SHOX: variants seen among roughly 807,000 people sequenced by gnomAD.
SHOX encodes the protein SHOX homeobox.
Under a neutral mutation model 29.6 loss-of-function variants are expected in SHOX, and 12 were observed. The ratio of observed to expected loss-of-function variants is 0.41; its 90% CI spans 0.26 to 0.66. The LOEUF is 0.66. Ranked by LOEUF, SHOX falls within the 30% of genes least tolerant of loss-of-function variation. SHOX has a pLI of 0.35. For missense variants in SHOX, 499 were observed against 437.7 expected (o/e 1.14, Z -1.25); for synonymous variants, 214 against 200.6 (o/e 1.07, Z -0.57).
In SHOX at chrX:651,583, T is replaced by G; in HGVS notation, c.*6947T>G. On this transcript the variant is annotated 3_prime_UTR_variant, in exon 5 of 5. Transcript: ENST00000686671. ...ATATAAATAAACTTATAAATATTTGTATTCAAGTGTTAAAAAAAAAAAAAT... is the reference window on the plus strand; with the variant it reads ...ATATAAATAAACTTATAAATATTTGGATTCAAGTGTTAAAAAAAAAAAAAT... 4.7e-6 allele frequency: 1 copy of G among 214,504 alleles called. No homozygotes were observed. Among genetic ancestry groups the G allele is most frequent in the East Asian group, 1.0e-4 (1 of 9,844 alleles). The allele number at this position is 214,504 out of a possible 1,614,324, so 13.3% of individuals were successfully genotyped here.
At position 631,215 on chromosome X, in the gene SHOX, G is replaced by C. The variant is rs778977112; in HGVS notation, c.277+41G>C. Reference sequence around the variant, plus strand: ...CTCCGGCTCCAGGGGGGCCCTCCTGGGGTTCGGCGCCTCCTCGCCACGGAG... The same window carrying C: ...CTCCGGCTCCAGGGGGGCCCTCCTGCGGTTCGGCGCCTCCTCGCCACGGAG... On this transcript the variant is annotated intron_variant, in intron 1 of 4. Transcript: ENST00000686671. 7 of 1,610,086 alleles carry C rather than the reference G, an allele frequency of 4.3e-6. No individual in the cohort carries two copies. The South Asian group carries it at 7.7e-5, about 18-fold the overall frequency.
chrX:653,464 G>C (rs147753744), downstream of SHOX, among the ~76,000 whole-genome samples: 1,032 of 152,208 alleles, frequency 6.8e-3, 8 homozygotes, highest in African/African-American at 0.023. Context: ...CAATCACAAA[G>C]AATGTTTTTC....
chrX:646,952 T>TTA lies in SHOX; in HGVS notation c.*2317_*2318insAT, dbSNP rs1332062080. 6.6e-6 allele frequency: 1 copy of TTA among 152,026 alleles called. No individual in the cohort carries two copies. Among genetic ancestry groups the TTA allele is most frequent in the East Asian group, 1.9e-4 (1 of 5,184 alleles). The allele number at this position is 152,026 out of a possible 1,614,324, so 9.4% of individuals were successfully genotyped here. On this transcript the variant is annotated 3_prime_UTR_variant, in exon 5 of 5. Coordinates refer to ENST00000686671, the MANE Select transcript of SHOX (RefSeq NM_000451.4). The stretch of plus-strand genomic sequence containing the variant: ...TAAGATATGTACAGCCCTAGATTTT[T>TTA]TTTTTTTAACCAAAAAGGCTGAGTA...
At chrX:636,740 C>CAT (rs776069703) in intron 2 of SHOX, among the ~76,000 whole-genome samples, 1 of 75,224 alleles carries the variant, frequency 1.3e-5, no homozygotes, top group Non-Finnish European at 2.6e-5. Context: ...TATATATAAA[C>CAT]ATATATATAC....
intron 2 of SHOX, among the ~76,000 whole-genome samples, chrX:635,481 C>G (rs1254542068): frequency 6.6e-6 from 1 of 152,176 alleles, no homozygotes; most frequent in Non-Finnish European, 1.5e-5. Flanking sequence ...CCTCCCCTCT[C>G]CAGCCCTGTC....
chrX:655,572 C>CTCTG (rs1471100058), downstream of SHOX, among the ~76,000 whole-genome samples: 45 of 72,740 alleles, frequency 6.2e-4, 1 homozygote, highest in African/African-American at 2.5e-3. Context: ...CTCTCTGTCT[C>CTCTG]TCTCTCTCTC....
chrX:631,896 C>G, intron 1 of SHOX: 1 of 455,946 alleles, frequency 2.2e-6, no homozygotes, highest in East Asian at 6.9e-5. Context: ...TTACGGTCAC[C>G]CAGACGCACA....
chrX:628,893 A>C (rs868355874), upstream of SHOX, among the ~76,000 whole-genome samples: 45 of 3,012 alleles, frequency 0.015, no homozygotes, highest in Non-Finnish European at 0.017. Context: ...GTGTTTCTCT[A>C]TCTCCATCTC....
intron 1 of SHOX, chrX:632,123 G>T (rs1220031388): frequency 1.3e-5 from 5 of 389,908 alleles, no homozygotes; most frequent in Non-Finnish European, 2.6e-5. Flanking sequence ...AACCACTCCC[G>T]TGAGCGGAGG....
upstream of SHOX, among the ~76,000 whole-genome samples, chrX:626,889 GTC>G (rs1387921608): frequency 7.2e-6 from 1 of 139,732 alleles, no homozygotes; most frequent in Non-Finnish European, 1.5e-5. Context: ...TCTCCTCTCT[GTC>G]TCTTTTTCTC....
At chrX:636,145 ATATATAAATATATAAACATACATAAATG>A (rs2052743045) in intron 2 of SHOX, among the ~76,000 whole-genome samples, 1 of 148,566 alleles carries the variant, frequency 6.7e-6, no homozygotes, top group South Asian at 2.1e-4. Flanking sequence ...ATATATAAAC[ATATATAAATATATAAACATACATAAATG>A]TATGTAAATA....
intron 1 of SHOX, among the ~76,000 whole-genome samples, chrX:633,507 A>T (rs1018458609): frequency 6.6e-6 from 1 of 151,964 alleles, no homozygotes; most frequent in Non-Finnish European, 1.5e-5. Context: ...CCTGGTGTGG[A>T]TCGTGGAAGG....
rs1398738646 is a variant in SHOX at position 645,388 on chromosome X, G to GTTTTTTTTTTTTTTTTTTT, written c.*753_*754insTTTTTTTTTTTTTTTTTTT. 9.0e-5 allele frequency: 7 copies of GTTTTTTTTTTTTTTTTTTT among 77,748 alleles called. 2 individuals carry two copies. The highest frequency in any genetic ancestry group is 2.9e-4 in the African/African-American group (7 of 24,340). The allele number at this position is 77,748 out of a possible 1,614,324, so 4.8% of individuals were successfully genotyped here. On this transcript the variant is annotated 3_prime_UTR_variant, in exon 5 of 5. Coordinates refer to ENST00000686671, the MANE Select transcript of SHOX (RefSeq NM_000451.4). Reference sequence around the variant, plus strand: ...TTGGGTCTGGTTTTGTTTTGGATTGGTATTTTTTTTTTTTTTTTTTTTTTT... The same window carrying GTTTTTTTTTTTTTTTTTTT: ...TTGGGTCTGGTTTTGTTTTGGATTGGTTTTTTTTTTTTTTTTTTTTATTTTTTTTTTTTTTTTTTTTTTT...
At chrX:634,141 C>A (rs1407033863) in intron 1 of SHOX, among the ~76,000 whole-genome samples, 1 of 152,130 alleles carries the variant, frequency 6.6e-6, no homozygotes, top group Non-Finnish European at 1.5e-5. Context: ...CGCCAGATCG[C>A]GGAGGGACCC....
upstream of SHOX, among the ~76,000 whole-genome samples, chrX:625,807 C>G (rs865987139): frequency 6.8e-6 from 1 of 146,866 alleles, no homozygotes; most frequent in Non-Finnish European, 1.5e-5. Context: ...CTCTCTGTGT[C>G]TCTGTCTCTG....
chrX:652,500 C>T (rs768396421), downstream of SHOX, among the ~76,000 whole-genome samples: 53 of 151,750 alleles, frequency 3.5e-4, no homozygotes, highest in Middle Eastern at 3.4e-3. Context: ...GGGTTCCCAC[C>T]GCGGTTACAG....
Position 625,052 on chromosome X carries a change from T to TTCCTTCCCTCCCTCCC in SHOX, c.-433+457_-433+458insCTCCCTCCCTCCTTCC, listed in dbSNP as rs1368231243. 3.9e-4 allele frequency among the ~76,000 whole-genome samples: 25 copies of TTCCTTCCCTCCCTCCC among 64,184 alleles called. No individual in the cohort carries two copies. The East Asian group carries it at 7.3e-3, about 19-fold the overall frequency. 42.1% of individuals were successfully genotyped at this position (64,184 alleles called of 152,430 possible). On this transcript the variant is annotated intron_variant, in intron 1 of 5. Transcript: ENST00000334060. ...TCCCTCCTTTCCTTTCCTCCCTCTG[T>TTCCTTCCCTCCCTCCC]TCCTTCCTCCCTCCCTCCCTCCTTC... is the stretch of plus-strand genomic sequence containing the variant.
rs1484283973 is a variant in SHOX at position 650,234 on chromosome X, T to C, written c.*5598T>C. ...CCGCGTCCAACACCCGTTTTTCCACTTACAAAGCTGGTGGTGCGACGGGCT... is the reference window on the plus strand; with the variant it reads ...CCGCGTCCAACACCCGTTTTTCCACCTACAAAGCTGGTGGTGCGACGGGCT... On this transcript the variant is annotated 3_prime_UTR_variant, in exon 5 of 5. Transcript: ENST00000686671. Among the ~76,000 whole-genome samples the C allele has an allele frequency of 6.6e-6, 1 of 152,198 alleles. No individual in the cohort carries two copies. The highest frequency in any genetic ancestry group is 1.9e-4 in the East Asian group (1 of 5,180).
intron 4 of SHOX, among the ~76,000 whole-genome samples, chrX:642,490 G>A (rs1262447610): frequency 6.6e-6 from 1 of 152,212 alleles, no homozygotes; most frequent in Non-Finnish European, 1.5e-5. Flanking sequence ...TGGACCCCGA[G>A]CGCTGGTCGC....
Sources: allele counts gnomAD v4.1 joint callset (sites outside exome capture counted in the v4.1 genomes callset), GRCh38; gene constraint gnomAD v4.1.1; transcripts MANE v1.5; gene names NCBI Gene and HGNC (gene_info 2026-07-23, HGNC 2026-07-21).